ALDH7A1: variants seen among roughly 807,000 people sequenced by gnomAD.
ALDH7A1 encodes aldehyde dehydrogenase 7 family member A1, also known as alpha-aminoadipic semialdehyde dehydrogenase.
A neutral mutation model predicts 79.9 loss-of-function variants in ALDH7A1; 63 were observed. That is an observed-to-expected ratio of 0.79 (90% CI 0.64 to 0.97). The LOEUF (loss-of-function observed/expected upper bound fraction) is 0.97, where lower values mean the gene tolerates loss of function less well. ALDH7A1 is among the 50% of genes least tolerant of loss of function. The probability of loss-of-function intolerance (pLI) is 0.00; values close to 1 mark genes in which losing one functional copy is unlikely to be tolerated. For missense variants in ALDH7A1, 627 were observed against 665.2 expected (o/e 0.94, Z 0.63); for synonymous variants, 240 against 231.2 (o/e 1.04, Z -0.34).
rs1428539981 is a variant in ALDH7A1, at chr5:126,570,833, T to C, written c.722A>G (p.Asn241Ser). 2 of 1,613,916 alleles carry C rather than the reference T, an allele frequency of 1.2e-6. No individual in the cohort carries two copies. The highest frequency in any genetic ancestry group is 2.7e-5 in the African/African-American group (2 of 74,926). Residue 241 changes from asparagine (N) to serine (S), a missense_variant, in exon 8 of 18, where the codon AAC (asparagine) becomes AGC (serine). Asn to Ser is a conservative substitution (Grantham distance 46). Transcript: ENST00000409134. ...TKIIAKVLED[N>S]KLPGAICSLT... ...GGAACAAATTGCACCAGGCAGCTTG[T>C]TGTCCTCCAGAACCTTGGCTATTAT...
Position 126,543,097 on chromosome 5 carries a change from C to T in ALDH7A1, c.*1868G>A, listed in dbSNP as rs1274884340. ...TCAAGATAACCAGTAATGAGCAGCA[C>T]AAGACCCCTTGCACCTTCAAATATA... On this transcript the variant is annotated 3_prime_UTR_variant, in exon 18 of 18. Coordinates refer to ENST00000409134, the MANE Select transcript of ALDH7A1 (RefSeq NM_001182.5). 1 of 152,298 alleles carries T rather than the reference C, an allele frequency of 6.6e-6. No individual in the cohort carries two copies. 9.4% of individuals were successfully genotyped at this position (152,298 alleles called of 1,614,324 possible). A position where few individuals can be genotyped will look rare whatever the true frequency, so the allele number is the denominator to read the frequency against.
intron 12 of ALDH7A1, chr5:126,554,883 G>C (rs956902667): frequency 4.4e-6 from 1 of 225,482 alleles, no homozygotes; most frequent in Non-Finnish European, 8.8e-6. Flanking sequence ...CTGGGGACTA[G>C]AGCACTGACA....
intron 9 of ALDH7A1, among the ~76,000 whole-genome samples, chr5:126,567,363 AAATTT>A (rs1357803792): frequency 1.3e-4 from 20 of 152,256 alleles, no homozygotes; most frequent in African/African-American, 4.8e-4. Context: ...CTTACTAAAT[AAATTT>A]ATGTTCAAGT....
intron 4 of ALDH7A1, among the ~76,000 whole-genome samples, chr5:126,583,368 C>A (rs1272326893): frequency 6.6e-6 from 1 of 151,938 alleles, no homozygotes; most frequent in Admixed American, 6.6e-5. Flanking sequence ...GTAATCCCAG[C>A]TACTCGGGAG....
At chr5:126,566,410 AT>A (rs1198463652) in intron 9 of ALDH7A1, among the ~76,000 whole-genome samples, 3 of 152,246 alleles carry the variant, frequency 2.0e-5, no homozygotes, top group East Asian at 3.9e-4. Flanking sequence ...AATATAATTG[AT>A]TTTTGTATCT....
At position 126,555,956 on chromosome 5, in the gene ALDH7A1, C is replaced by T. The variant is rs376004978; in HGVS notation, c.1068G>A (p.Gln356=). Residue 356 remains glutamine, a synonymous_variant, in exon 12 of 18, where the codon CAG becomes CAA. Coordinates refer to ENST00000409134, the MANE Select transcript of ALDH7A1 (RefSeq NM_001182.5). ...VVNRLKKAYA[Q]IRVGNPWDPN... ...GGTCCCATGGGTTCCCAACTCGGAT[C>T]TGTGCATAGGCCTTTTTAAGTCTGT... The T allele has an allele frequency of 5.3e-5, 85 of 1,613,532 alleles. No homozygotes were observed. In the East Asian group the frequency reaches 1.1e-3, roughly 21 times the overall value.
chr5:126,559,433 G>GT (rs1561654474), intron 10 of ALDH7A1, 99 bp from the exon 11 acceptor site: 45 of 569,722 alleles, frequency 7.9e-5, no homozygotes, highest in African/African-American at 1.2e-4. Flanking sequence ...TTTTGGTTTT[G>GT]GTTTTTTTTT....
chr5:126,563,430 T>C (rs1750466963), intron 9 of ALDH7A1, among the ~76,000 whole-genome samples: 1 of 152,198 alleles, frequency 6.6e-6, no homozygotes, highest in Non-Finnish European at 1.5e-5. Flanking sequence ...TTTACTTAGG[T>C]TAGGACTCTT....
chr5:126,545,114 C>A lies in ALDH7A1; in HGVS notation c.1566-95G>T, dbSNP rs1056458027. The A allele has an allele frequency of 1.2e-5, 11 of 928,964 alleles. No homozygotes were observed. In the African/African-American group the frequency reaches 1.6e-4, roughly 14 times the overall value. 57.5% of individuals were successfully genotyped at this position (928,964 alleles called of 1,614,324 possible). A position where few individuals can be genotyped will look rare whatever the true frequency, so the allele number is the denominator to read the frequency against. ...AATGTAGCAGATCTGTATATATTAA[C>A]AAGGCAAGATCTCCAAGTTACAACT... is the stretch of plus-strand genomic sequence containing the variant. On this transcript the variant is annotated intron_variant, in intron 17 of 17. Transcript: ENST00000409134.
At position 126,546,382 on chromosome 5, in the gene ALDH7A1, C is replaced by T. The variant is rs1749787678; in HGVS notation, c.1507G>A (p.Gly503Ser). 1.2e-6 allele frequency: 2 copies of T among 1,614,200 alleles called. No individual in the cohort carries two copies. The highest frequency in any genetic ancestry group is 1.7e-6 in the Non-Finnish European group (2 of 1,180,026). The change falls in exon 17 of 18, where the codon GGT becomes AGT. Residue 503 changes from glycine to serine, a missense_variant. By Grantham distance (56) the Gly-to-Ser change is moderately conservative. Coordinates refer to ENST00000409134, the MANE Select transcript of ALDH7A1 (RefSeq NM_001182.5). ...GGAFGGEKHT[G>S]GGRESGSDAW... ...TCACTGCCAGACTCCCTGCCACCAC[C>T]AGTGTGCTTTTCTCCTCCTAGAGAA... is the stretch of plus-strand genomic sequence containing the variant.
rs556340431 is a variant in ALDH7A1 at position 126,548,670 on chromosome 5, G to T, written c.1489+1259C>A. Reference sequence around the variant, plus strand: ...TTGAACTCCTGAGCTCAAGCGATCGGCCCACCTCTGCCTCCCAAAGTGCCA... The same window carrying T: ...TTGAACTCCTGAGCTCAAGCGATCGTCCCACCTCTGCCTCCCAAAGTGCCA... On this transcript the variant is annotated intron_variant, in intron 16 of 17. Transcript: ENST00000409134. 4.6e-5 allele frequency among the ~76,000 whole-genome samples: 7 copies of T among 152,000 alleles called. No individual in the cohort carries two copies. In the South Asian group the frequency reaches 1.5e-3, roughly 32 times the overall value.
chr5:126,555,597 G>T (rs1441648999), intron 12 of ALDH7A1, among the ~76,000 whole-genome samples: 2 of 151,692 alleles, frequency 1.3e-5, no homozygotes, highest in Non-Finnish European at 2.9e-5. Context: ...AAATCATTCT[G>T]TAGCAATGGA....
At chr5:126,571,800 G>A (rs1750788380) in intron 7 of ALDH7A1, among the ~76,000 whole-genome samples, 1 of 152,124 alleles carries the variant, frequency 6.6e-6, no homozygotes, top group South Asian at 2.1e-4. Flanking sequence ...AAGTTGTAAA[G>A]CACAAATTGG....
At chr5:126,559,032 A>C (rs181634072) in intron 11 of ALDH7A1, among the ~76,000 whole-genome samples, 20 of 152,274 alleles carry the variant, frequency 1.3e-4, no homozygotes, top group African/African-American at 4.6e-4. Context: ...TGGAACCCCT[A>C]TTATCTTGGG....
chr5:126,571,150 ATTTTTTTTTTTTT>A (rs386404930), intron 7 of ALDH7A1: 208 of 221,692 alleles, frequency 9.4e-4, no homozygotes, highest in African/African-American at 1.3e-3. Context: ...CTATTAGCAG[ATTTTTTTTTTTTT>A]TTTTTTTTTT....
At chr5:126,547,645 A>T (rs1357891254) in intron 16 of ALDH7A1, among the ~76,000 whole-genome samples, 2 of 152,224 alleles carry the variant, frequency 1.3e-5, no homozygotes, top group Non-Finnish European at 2.9e-5. Flanking sequence ...AACCTCTATC[A>T]TAATAGAGGG....
chr5:126,569,385 T>TTATAA (rs1399878029), intron 8 of ALDH7A1: 2 of 152,210 alleles, frequency 1.3e-5, no homozygotes, highest in African/African-American at 4.8e-5. Flanking sequence ...AAGGCTATGC[T>TTATAA]AGGATTTCCA....
Position 126,552,012 on chromosome 5 carries a change from C to T in ALDH7A1, c.1317+9G>A. 1 of 1,593,978 alleles carries T rather than the reference C, an allele frequency of 6.3e-7. No individual in the cohort carries two copies. The highest frequency in any genetic ancestry group is 8.6e-7 in the Non-Finnish European group (1 of 1,162,720). On this transcript the variant is annotated intron_variant, in intron 14 of 17. Coordinates refer to ENST00000409134, the MANE Select transcript of ALDH7A1 (RefSeq NM_001182.5). ...CAACATCAGGCTAGCGAACAGAATG[C>T]ATTTTTACCTTGAATTTAAAGACAT...
chr5:126,593,334 C>CAT lies in ALDH7A1; in HGVS notation c.246+16_246+17insAT. 2.5e-6 allele frequency: 4 copies of CAT among 1,612,024 alleles called. No individual in the cohort carries two copies. Among genetic ancestry groups the CAT allele is most frequent in the Non-Finnish European group, 3.4e-6 (4 of 1,179,716 alleles). ...ACACACACACACACACACACACACA[C>CAT]ACACACACACTCTTACCTGTCGGAC... On this transcript the variant is annotated intron_variant, in intron 2 of 17. Transcript: ENST00000409134.
Sources: gnomAD v4.1 joint callset for allele counts (sites outside exome capture counted in the v4.1 genomes callset) on GRCh38, gnomAD v4.1.1 for gene constraint, MANE v1.5 for transcripts, NCBI Gene and HGNC (gene_info 2026-07-23, HGNC 2026-07-21) for gene names.